PRKN: variants seen among roughly 807,000 people sequenced by gnomAD.
The protein encoded by PRKN is E3 ubiquitin-protein ligase parkin.
A neutral mutation model predicts 59.5 loss-of-function variants in PRKN; 56 were observed. The ratio of observed to expected loss-of-function variants is 0.94; its 90% CI spans 0.76 to 1.18. PRKN has a LOEUF of 1.18. PRKN is among the 50% of genes most tolerant of loss of function. The probability of loss-of-function intolerance (pLI) is 0.00; values close to 1 mark genes in which losing one functional copy is unlikely to be tolerated. For synonymous variants in PRKN, 250 were observed against 222.1 expected (o/e 1.13, Z -1.12); for missense variants, 657 against 596.4 (o/e 1.10, Z -1.06).
chr6:161,587,632 C>CTT (rs75728769), intron 7 of PRKN, among the ~76,000 whole-genome samples: 1 of 150,422 alleles, frequency 6.6e-6, no homozygotes, highest in Non-Finnish European at 1.5e-5. Flanking sequence ...TTCATTCCTG[C>CTT]TTTTTTTTTA....
chr6:161,836,167 C>T lies in PRKN; in HGVS notation c.735-50259G>A, dbSNP rs1792744821. Reference sequence around the variant, plus strand: ...CAGCTTTGGGGGTGCTAAATCTGTGCATTTTTCAAGCCTCAGTAGTTCTGG... The same window carrying T: ...CAGCTTTGGGGGTGCTAAATCTGTGTATTTTTCAAGCCTCAGTAGTTCTGG... On this transcript the variant is annotated intron_variant, in intron 6 of 11. Coordinates refer to ENST00000366898, the MANE Select transcript of PRKN (RefSeq NM_004562.3). 2.0e-5 allele frequency among the ~76,000 whole-genome samples: 3 copies of T among 152,130 alleles called. No individual in the cohort carries two copies. In the South Asian group the frequency reaches 6.2e-4, roughly 32 times the overall value.
intron 4 of PRKN, among the ~76,000 whole-genome samples, chr6:162,090,345 C>A (rs896488755): frequency 6.6e-6 from 1 of 152,120 alleles, no homozygotes; most frequent in African/African-American, 2.4e-5. Flanking sequence ...TGGAAAACTT[C>A]TGTTTACATT....
intron 2 of PRKN, among the ~76,000 whole-genome samples, chr6:162,297,174 C>CTTTTTTTTTT (rs10681721): frequency 1.4e-5 from 2 of 139,332 alleles, no homozygotes; most frequent in African/African-American, 5.3e-5. Flanking sequence ...TTTTTCTTTT[C>CTTTTTTTTTT]TTTTTTTTTT....
chr6:162,170,114 A>G (rs1442676645), intron 4 of PRKN, among the ~76,000 whole-genome samples: 2 of 152,166 alleles, frequency 1.3e-5, no homozygotes, highest in Non-Finnish European at 2.9e-5. Flanking sequence ...AGCTGTTCCC[A>G]TGAATCTACC....
intron 6 of PRKN, among the ~76,000 whole-genome samples, chr6:161,840,298 G>A (rs764083253): frequency 5.9e-5 from 9 of 152,182 alleles, no homozygotes; most frequent in African/African-American, 1.4e-4. Flanking sequence ...GGGGCCCTGC[G>A]TGTTTGTGCA....
chr6:161,973,905 A>C (rs1369732968), intron 5 of PRKN, among the ~76,000 whole-genome samples: 1 of 152,168 alleles, frequency 6.6e-6, no homozygotes, highest in East Asian at 1.9e-4. Context: ...CATTTAGCGG[A>C]GTCAGGAATT....
chr6:162,463,374 C>T (rs963881287), intron 1 of PRKN, among the ~76,000 whole-genome samples: 3 of 152,134 alleles, frequency 2.0e-5, no homozygotes, highest in Non-Finnish European at 2.9e-5. Context: ...AGATTATTCT[C>T]CATGGGTCTC....
In PRKN at chr6:161,547,282, A is replaced by G. The variant is rs1779829521; in HGVS notation, c.1083+1572T>C. 6.6e-6 allele frequency among the ~76,000 whole-genome samples: 1 copy of G among 152,250 alleles called. No individual in the cohort carries two copies. The highest frequency in any genetic ancestry group is 6.5e-5 in the Admixed American group (1 of 15,288). On this transcript the variant is annotated intron_variant, in intron 9 of 11. Transcript: ENST00000366898. This position sits in a 1 kb window ranked among gnomAD's most constrained non-coding sequence, Gnocchi z 4.0. ...CTTGAGAACATAACTATCCTCCTTT[A>G]AGTAAAGTTGCCTGCAGACTCTTTT...
chr6:162,202,534 T>C (rs1329645978), intron 3 of PRKN, among the ~76,000 whole-genome samples: 1 of 152,196 alleles, frequency 6.6e-6, no homozygotes, highest in East Asian at 1.9e-4. Flanking sequence ...GAAGATAAAA[T>C]GTAAATACAT....
chr6:161,799,038 G>T (rs1270104135), intron 6 of PRKN, among the ~76,000 whole-genome samples: 3 of 152,162 alleles, frequency 2.0e-5, no homozygotes, highest in African/African-American at 4.8e-5. Flanking sequence ...GACTGCTTTT[G>T]CCAATAAAGT....
rs769564573 is a variant in PRKN at position 162,554,024 on chromosome 6, C to T, written c.8-110551G>A. ...AGGGCTCTGCAAGCACCGCAGCTGTCGCTGGAGACGCGAATGCTTCATTTT... is the reference window on the plus strand; with the variant it reads ...AGGGCTCTGCAAGCACCGCAGCTGTTGCTGGAGACGCGAATGCTTCATTTT... On this transcript the variant is annotated intron_variant, in intron 1 of 11. Transcript: ENST00000366898. 2.0e-5 allele frequency among the ~76,000 whole-genome samples: 3 copies of T among 152,058 alleles called. 1 individual carries two copies. The highest frequency in any genetic ancestry group is 4.1e-4 in the South Asian group (2 of 4,828).
chr6:162,359,351 A>G (rs1785030643), intron 2 of PRKN, among the ~76,000 whole-genome samples: 1 of 152,026 alleles, frequency 6.6e-6, no homozygotes, highest in East Asian at 1.9e-4. Context: ...GAGAGCCCTA[A>G]CATGGCCAAT....
chr6:161,691,536 A>T (rs1005997824), intron 7 of PRKN, among the ~76,000 whole-genome samples: 2 of 152,216 alleles, frequency 1.3e-5, no homozygotes, highest in Non-Finnish European at 2.9e-5. Flanking sequence ...AATAGAGATT[A>T]TCTGGAGCCT....
chr6:162,119,874 T>C (rs116433393), intron 4 of PRKN, among the ~76,000 whole-genome samples: 97 of 152,310 alleles, frequency 6.4e-4, no homozygotes, highest in African/African-American at 2.2e-3. Context: ...ACAAGGCTGT[T>C]TGAAGGTTCT....
chr6:162,450,381 C>CACCCCTGTGAATGTAAACG (rs375003698), intron 1 of PRKN, among the ~76,000 whole-genome samples: 1 of 96,474 alleles, frequency 1.0e-5, no homozygotes, highest in African/African-American at 3.5e-5. Flanking sequence ...TGATTGTAAT[C>CACCCCTGTGAATGTAAACG]CCCCTGTGAA....
chr6:161,866,741 C>A (rs1442186991), intron 6 of PRKN, among the ~76,000 whole-genome samples: 1 of 152,100 alleles, frequency 6.6e-6, no homozygotes, highest in Non-Finnish European at 1.5e-5. Flanking sequence ...CGATAGACGG[C>A]AATAAAACCA....
intron 4 of PRKN, among the ~76,000 whole-genome samples, chr6:162,103,456 G>T (rs1043970557): frequency 6.6e-6 from 1 of 152,030 alleles, no homozygotes; most frequent in African/African-American, 2.4e-5. Context: ...TAATACGGAC[G>T]CAATGACTTA....
At chr6:161,786,375 A>C (rs1192432141) in intron 6 of PRKN, among the ~76,000 whole-genome samples, 1 of 152,116 alleles carries the variant, frequency 6.6e-6, no homozygotes, top group African/African-American at 2.4e-5. Flanking sequence ...GGCATTGTAA[A>C]GTTTTAAATG....
intron 2 of PRKN, among the ~76,000 whole-genome samples, chr6:162,274,263 T>A (rs983462442): frequency 6.6e-6 from 1 of 152,048 alleles, no homozygotes; most frequent in African/African-American, 2.4e-5. Flanking sequence ...TCAGGGCTCA[T>A]TGCAGTCTCG....
Sources: allele counts gnomAD v4.1 joint callset (sites outside exome capture counted in the v4.1 genomes callset), GRCh38; gene constraint gnomAD v4.1.1; non-coding constraint Gnocchi (gnomAD v3.1); transcripts MANE v1.5; gene names NCBI Gene and HGNC (gene_info 2026-07-23, HGNC 2026-07-21).